Variants in CACNA1A observed in about 807,000 individuals in gnomAD.
The protein encoded by CACNA1A is calcium voltage-gated channel subunit alpha1 A.
CACNA1A carries 57 observed loss-of-function variants against 262.4 expected under a neutral mutation model. The ratio of observed to expected loss-of-function variants is 0.22; its 90% CI spans 0.18 to 0.27. The LOEUF (loss-of-function observed/expected upper bound fraction) is 0.27, where lower values mean the gene tolerates loss of function less well. CACNA1A is among the 10% of genes least tolerant of loss of function. The pLI is 1.00. For missense variants in CACNA1A, 2,526 were observed against 3,562.8 expected, an observed-to-expected ratio of 0.71 and a Z score of 7.41; for synonymous variants, 1,431 against 1,419.3, an observed-to-expected ratio of 1.01 and a Z score of -0.18.
intron 1 of CACNA1A, among the ~76,000 whole-genome samples, chr19:13,485,821 G>A (rs981923762): frequency 3.9e-5 from 6 of 152,182 alleles, no homozygotes; most frequent in African/African-American, 1.4e-4. Flanking sequence ...TTTAGTCAAG[G>A]TGAAAATGTA....
intron 3 of CACNA1A, among the ~76,000 whole-genome samples, chr19:13,421,567 TG>T (rs1045730514): frequency 9.2e-5 from 14 of 152,268 alleles, no homozygotes; most frequent in African/African-American, 3.4e-4. Flanking sequence ...TATTAGGAAG[TG>T]GGGCCTTTGG....
rs1600271774 is a variant in CACNA1A, at chr19:13,298,696, G to A, written c.2937C>T (p.His979=). The A allele has an allele frequency of 6.9e-7, 1 of 1,459,848 alleles. No homozygotes were observed. Among genetic ancestry groups the A allele is most frequent in the South Asian group, 1.4e-5 (1 of 72,362 alleles). 90.4% of individuals were successfully genotyped at this position (1,459,848 alleles called of 1,614,324 possible). Residue 979 remains histidine, a synonymous_variant, in exon 19 of 47, where the codon CAC becomes CAT. Coordinates refer to ENST00000360228, the MANE Select transcript of CACNA1A (RefSeq NM_001127222.2). ...PEDKAERRAR[H]REGSRPARGG... ...CCCGGGCCGGCCGGCTGCCCTCGCG[G>A]TGCCGCGCCCTCCGCTCCGCCTTGT...
At chr19:13,373,326 T>C (rs2059355232) in intron 3 of CACNA1A, among the ~76,000 whole-genome samples, 1 of 152,166 alleles carries the variant, frequency 6.6e-6, no homozygotes, top group South Asian at 2.1e-4. Context: ...TCTGGCTTGA[T>C]TTTTCAGTTT....
At chr19:13,332,718 ACT>A (rs1445895040) in intron 9 of CACNA1A, 149 bp downstream of exon 9, 4 of 481,498 alleles carry the variant, frequency 8.3e-6, no homozygotes, top group African/African-American at 7.7e-5. Context: ...GAATAGGGAA[ACT>A]CTGCATGGAA....
chr19:13,478,474 C>T (rs77382869), intron 1 of CACNA1A, among the ~76,000 whole-genome samples: 2,446 of 152,218 alleles, frequency 0.016, 63 homozygotes, highest in African/African-American at 0.055. Context: ...TGCATTGCCA[C>T]GTCCAGCCAA....
In CACNA1A at chr19:13,487,102, C is replaced by T. The variant is rs571102239; in HGVS notation, c.293+18830G>A. On this transcript the variant is annotated intron_variant, in intron 1 of 46. Transcript: ENST00000360228. ...CCAGCTCCAGCATGGACCTGTGGGC[C>T]GCCTGCCACTCTCTCCCCATCATTA... Among the ~76,000 whole-genome samples, 6 of 152,294 alleles carry T rather than the reference C, an allele frequency of 3.9e-5. No homozygotes were observed. In the East Asian group the frequency reaches 5.8e-4, roughly 15 times the overall value.
intron 1 of CACNA1A, among the ~76,000 whole-genome samples, chr19:13,466,008 G>A (rs957633182): frequency 2.0e-5 from 3 of 152,066 alleles, no homozygotes; most frequent in Admixed American, 1.3e-4. Flanking sequence ...GAAGGTGGTG[G>A]GGAGGGGAGA....
chr19:13,447,379 T>A (rs1182779926), intron 3 of CACNA1A, among the ~76,000 whole-genome samples: 3 of 152,200 alleles, frequency 2.0e-5, no homozygotes, highest in Non-Finnish European at 4.4e-5. Context: ...CACCTTGTTG[T>A]AAGCAGGGAG....
chr19:13,368,007 G>A (rs867992966), intron 4 of CACNA1A, among the ~76,000 whole-genome samples: 1 of 151,716 alleles, frequency 6.6e-6, no homozygotes, highest in Middle Eastern at 3.2e-3. Context: ...TGTAAGACTC[G>A]AAGAATGTTA....
chr19:13,294,172 C>A (rs2057607589), intron 19 of CACNA1A, among the ~76,000 whole-genome samples: 1 of 146,852 alleles, frequency 6.8e-6, no homozygotes. Flanking sequence ...CTACTGCAAT[C>A]CAACCTGGGC....
intron 3 of CACNA1A, among the ~76,000 whole-genome samples, chr19:13,426,885 C>T (rs1419674505): frequency 1.3e-5 from 2 of 152,166 alleles, no homozygotes; most frequent in Non-Finnish European, 2.9e-5. Flanking sequence ...CTGCCTGAGC[C>T]TCTGAATGTC....
At chr19:13,320,608 C>A (rs1325656706) in intron 10 of CACNA1A, among the ~76,000 whole-genome samples, 1 of 152,162 alleles carries the variant, frequency 6.6e-6, no homozygotes, top group South Asian at 2.1e-4. Context: ...ATACCCTTCA[C>A]TGGTAAGGGA....
rs79807522 is a variant in CACNA1A, at chr19:13,402,873, C to T, written c.540-31094G>A. 5.0e-3 allele frequency among the ~76,000 whole-genome samples: 364 copies of T among 72,664 alleles called. 3 individuals are homozygous for T. The highest frequency in any genetic ancestry group is 0.012 in the South Asian group (24 of 1,984). 47.7% of individuals were successfully genotyped at this position (72,664 alleles called of 152,430 possible). A position where few individuals can be genotyped will look rare whatever the true frequency, so the allele number is the denominator to read the frequency against. ...ATATATATATACACACACACACACA[C>T]ATATATATATATATATATATATATA... is the stretch of plus-strand genomic sequence containing the variant. On this transcript the variant is annotated intron_variant, in intron 3 of 46. Transcript: ENST00000360228.
In CACNA1A at chr19:13,371,740, C is replaced by A; in HGVS notation, c.579G>T (p.Thr193=). ...ATVGTEFDLR[T]LRAVRVLRPL... ...GCCGCAGCACTCGAACTGCCCTCAG[C>A]GTCCGTAGGTCAAACTCCGTCCCAA... Residue 193 remains threonine (T), a synonymous_variant, in exon 4 of 47, where the codon ACG becomes ACT. Coordinates refer to ENST00000360228, the MANE Select transcript of CACNA1A (RefSeq NM_001127222.2). The A allele has an allele frequency of 2.5e-6, 4 of 1,580,390 alleles. No homozygotes were observed. The South Asian group carries it at 3.5e-5, about 14-fold the overall frequency.
At chr19:13,485,916 C>A (rs1979920540) in intron 1 of CACNA1A, among the ~76,000 whole-genome samples, 1 of 152,250 alleles carries the variant, frequency 6.6e-6, no homozygotes, top group African/African-American at 2.4e-5. Context: ...CATAAACAAC[C>A]AACAAAGCTG....
At chr19:13,436,496 A>AATTCATTCATTAATTCACTCATTC (rs2060613173) in intron 3 of CACNA1A, among the ~76,000 whole-genome samples, 1 of 152,130 alleles carries the variant, frequency 6.6e-6, no homozygotes, top group Admixed American at 6.6e-5. Flanking sequence ...ATCAGCTATG[A>AATTCATTCATTAATTCACTCATTC]ATTCATTCAT....
At chr19:13,464,763 T>G (rs890097403) in intron 1 of CACNA1A, among the ~76,000 whole-genome samples, 3 of 151,830 alleles carry the variant, frequency 2.0e-5, no homozygotes, top group South Asian at 2.1e-4. Flanking sequence ...TTAGCCAGGG[T>G]GGTCTCGATC....
In CACNA1A at chr19:13,235,713, C is replaced by G; in HGVS notation, c.4968G>C (p.Leu1656=). 1 of 1,613,582 alleles carries G rather than the reference C, an allele frequency of 6.2e-7. No homozygotes were observed. ...CAGCTCGGAAGAGGCGGAGAAAGCT[C>G]AGGTTGATGAAGTTATTCTGGGGAG... is the stretch of plus-strand genomic sequence containing the variant. The part of the protein sequence containing the change: ...VTEFGNNFIN[L]SFLRLFRAAR... Residue 1656 remains leucine (L), a synonymous_variant, in exon 32 of 47, where the codon CTG becomes CTC. Transcript: ENST00000360228.
chr19:13,292,674 AG>A (rs1396427175), intron 19 of CACNA1A, among the ~76,000 whole-genome samples: 1 of 152,180 alleles, frequency 6.6e-6, no homozygotes, highest in Non-Finnish European at 1.5e-5. Flanking sequence ...GTTTGCAAAA[AG>A]CCTCAAGGAA....
Sources: gnomAD v4.1 joint callset for allele counts (sites outside exome capture counted in the v4.1 genomes callset) on GRCh38, gnomAD v4.1.1 for gene constraint, MANE v1.5 for transcripts, NCBI Gene and HGNC (gene_info 2026-07-23, HGNC 2026-07-21) for gene names.